The following CMIP variants were observed in gnomAD, a reference collection of about 807,000 sequenced individuals.
CMIP encodes c-Maf inducing protein, also known as C-Maf-inducing protein.
CMIP carries 13 observed loss-of-function variants against 97.3 expected under a neutral mutation model. The ratio of observed to expected loss-of-function variants is 0.13; its 90% confidence interval spans 0.09 to 0.21. The LOEUF (loss-of-function observed/expected upper bound fraction) is 0.21, where lower values mean the gene tolerates loss of function less well. Ranked by LOEUF, CMIP falls within the 10% of genes least tolerant of loss-of-function variation. The pLI is 1.00. For missense variants in CMIP, 847 were observed against 1,024.9 expected (o/e 0.83, Z 2.37); for synonymous variants, 538 against 436.3 (o/e 1.23, Z -2.91).
At chr16:81,600,830 C>G (rs1273972578) in intron 1 of CMIP, among the ~76,000 whole-genome samples, 3 of 152,238 alleles carry the variant, frequency 2.0e-5, no homozygotes, top group South Asian at 4.1e-4. Context: ...TTGAGCACCA[C>G]TGCGTATGAC....
chr16:81,690,704 C>G (rs1017887771), intron 10 of CMIP, among the ~76,000 whole-genome samples: 1 of 152,200 alleles, frequency 6.6e-6, no homozygotes, highest in African/African-American at 2.4e-5. Context: ...GCAGGCAGAT[C>G]ACCTGAGGCC....
intron 1 of CMIP, among the ~76,000 whole-genome samples, chr16:81,509,428 A>T (rs1470049132): frequency 6.6e-6 from 1 of 152,152 alleles, no homozygotes; most frequent in Admixed American, 6.5e-5. Flanking sequence ...GGAGATAGGC[A>T]CTTGGGTTTG....
intron 9 of CMIP, among the ~76,000 whole-genome samples, chr16:81,675,009 C>T (rs1445389536): frequency 1.3e-5 from 2 of 152,298 alleles, no homozygotes; most frequent in East Asian, 3.9e-4. Flanking sequence ...AGGACCCTCC[C>T]AGTGCCATTC....
intron 1 of CMIP, among the ~76,000 whole-genome samples, chr16:81,480,517 G>T (rs1908194252): frequency 1.3e-5 from 2 of 152,196 alleles, no homozygotes; most frequent in South Asian, 4.1e-4. Flanking sequence ...TTCAGCCTGG[G>T]CGACAGAGTG....
intron 9 of CMIP, among the ~76,000 whole-genome samples, chr16:81,672,508 A>G (rs537980100): frequency 9.6e-4 from 146 of 152,334 alleles, no homozygotes; most frequent in African/African-American, 3.5e-3. Context: ...AAGGGTTGAC[A>G]GTAAGGTTTA....
At chr16:81,533,253 C>G (rs934009060) in intron 1 of CMIP, among the ~76,000 whole-genome samples, 2 of 152,244 alleles carry the variant, frequency 1.3e-5, no homozygotes, top group Non-Finnish European at 2.9e-5. Flanking sequence ...ATGACTGTAT[C>G]CCCAGCATTT....
At chr16:81,617,448 C>T (rs1420760694) in intron 2 of CMIP, 1 of 152,354 alleles carries the variant, frequency 6.6e-6, no homozygotes, top group Non-Finnish European at 1.5e-5. Flanking sequence ...GCAAGAACCT[C>T]TGCCTGGCCA....
rs1459591490 is a variant in CMIP, at chr16:81,709,735, G to C, written c.2269-11G>C. On this transcript the variant is annotated splice_polypyrimidine_tract_variant and intron_variant, in intron 20 of 20. Coordinates refer to ENST00000537098, the MANE Select transcript of CMIP (RefSeq NM_198390.3). ...CCTACACGTGACAAGGACTCTTATT[G>C]CCACCCCCAGGCCAAGCTTCCCAAT... 6.2e-7 allele frequency: 1 copy of C among 1,613,824 alleles called. No homozygotes were observed. Among genetic ancestry groups the C allele is most frequent in the Admixed American group, 1.7e-5 (1 of 59,992 alleles).
At chr16:81,521,863 C>G (rs1400766652) in intron 1 of CMIP, among the ~76,000 whole-genome samples, 1 of 152,162 alleles carries the variant, frequency 6.6e-6, no homozygotes, top group Non-Finnish European at 1.5e-5. Context: ...CCTGAGTGTT[C>G]CCTTGTCTTT....
At chr16:81,564,404 A>C (rs1481992386) in intron 1 of CMIP, among the ~76,000 whole-genome samples, 2 of 152,216 alleles carry the variant, frequency 1.3e-5, no homozygotes, top group Non-Finnish European at 2.9e-5. Flanking sequence ...TTATACATGT[A>C]ATGGTCTCAG....
chr16:81,709,605 A>G (rs1351962900), intron 20 of CMIP, 141 bp from the exon 21 acceptor site: 2 of 870,136 alleles, frequency 2.3e-6, no homozygotes, highest in African/African-American at 3.4e-5. Flanking sequence ...CCACCCCTCC[A>G]AGAGCCCAGG....
intron 1 of CMIP, among the ~76,000 whole-genome samples, chr16:81,512,654 A>G (rs1458693083): frequency 6.6e-6 from 1 of 152,162 alleles, no homozygotes. Flanking sequence ...TTAAATATCA[A>G]CATGAATTCA....
intron 3 of CMIP, among the ~76,000 whole-genome samples, chr16:81,648,405 C>T (rs1006130004): frequency 6.6e-6 from 1 of 152,080 alleles, no homozygotes; most frequent in Non-Finnish European, 1.5e-5. Context: ...GCCAGCTGTG[C>T]ACCATGAACA....
intron 1 of CMIP, among the ~76,000 whole-genome samples, chr16:81,582,828 A>G (rs1395153716): frequency 6.6e-6 from 1 of 152,164 alleles, no homozygotes; most frequent in Non-Finnish European, 1.5e-5. Flanking sequence ...CCAACAGCAC[A>G]AAGTCGGCGG....
At position 81,660,963 on chromosome 16, in the gene CMIP, C is replaced by T. The variant is rs768117770; in HGVS notation, c.744+17C>T. 2 of 1,613,854 alleles carry T rather than the reference C, an allele frequency of 1.2e-6. No homozygotes were observed. The highest frequency in any genetic ancestry group is 1.7e-6 in the Non-Finnish European group (2 of 1,179,876). ...TTTTGCAAGGTACGGGATTGCTGAG[C>T]TGGGGCTGTGGCTGCAGGAAGTAAC... On this transcript the variant is annotated intron_variant, in intron 6 of 20. Coordinates refer to ENST00000537098, the MANE Select transcript of CMIP (RefSeq NM_198390.3).
intron 1 of CMIP, among the ~76,000 whole-genome samples, chr16:81,581,733 G>A (rs1035099368): frequency 2.6e-5 from 4 of 152,288 alleles, no homozygotes; most frequent in East Asian, 1.9e-4. Context: ...AGGGAAAACC[G>A]AGGCACAGGG....
chr16:81,459,026 G>A (rs562694376), intron 1 of CMIP, among the ~76,000 whole-genome samples: 8 of 130,868 alleles, frequency 6.1e-5, no homozygotes, highest in African/African-American at 1.9e-4. Flanking sequence ...CACCATCACT[G>A]TCACCATCAC....
chr16:81,592,787 C>T (rs1033079923), intron 1 of CMIP, among the ~76,000 whole-genome samples: 1 of 152,182 alleles, frequency 6.6e-6, no homozygotes, highest in African/African-American at 2.4e-5. Flanking sequence ...GGGAAGTATC[C>T]ATGAGATGAA....
chr16:81,520,823 A>G (rs1022012056), intron 1 of CMIP, among the ~76,000 whole-genome samples: 1 of 152,166 alleles, frequency 6.6e-6, no homozygotes, highest in African/African-American at 2.4e-5. Flanking sequence ...GTGAGGAATT[A>G]GGTTTATAAG....
Sources: gnomAD v4.1 joint callset for allele counts (sites outside exome capture counted in the v4.1 genomes callset) on GRCh38, gnomAD v4.1.1 for gene constraint, MANE v1.5 for transcripts, NCBI Gene and HGNC (gene_info 2026-07-23, HGNC 2026-07-21) for gene names.